The following SPATA13 variants were observed in gnomAD, a reference collection of about 807,000 sequenced individuals.
The protein encoded by SPATA13 is spermatogenesis-associated protein 13.
SPATA13 carries 50 observed loss-of-function variants against 104.0 expected under a neutral mutation model. That is an observed-to-expected ratio of 0.48 (90% CI 0.38 to 0.61). SPATA13 has a LOEUF of 0.61. Ranked by LOEUF, SPATA13 falls within the 20% of genes least tolerant of loss-of-function variation. The pLI is 0.00. For synonymous variants in SPATA13, 606 were observed against 667.5 expected, an observed-to-expected ratio of 0.91 and a Z score of 1.42; for missense variants, 1,524 against 1,690.6, an observed-to-expected ratio of 0.90 and a Z score of 1.73.
At chr13:24,280,303 A>G (rs1593492483) in intron 4 of SPATA13, among the ~76,000 whole-genome samples, 1 of 152,322 alleles carries the variant, frequency 6.6e-6, no homozygotes, top group East Asian at 1.9e-4. Flanking sequence ...GACTCCTGTT[A>G]ATTGTGAATT....
At chr13:24,083,477 G>A (rs1879613423) in intron 3 of SPATA13, among the ~76,000 whole-genome samples, 1 of 152,216 alleles carries the variant, frequency 6.6e-6, no homozygotes, top group Non-Finnish European at 1.5e-5. Context: ...CCAGGAACTT[G>A]AGTTGAAGTC....
At chr13:24,089,989 G>T (rs1013093034) in intron 3 of SPATA13, among the ~76,000 whole-genome samples, 1 of 152,172 alleles carries the variant, frequency 6.6e-6, no homozygotes, top group Admixed American at 6.5e-5. Flanking sequence ...TCCTGTTTAT[G>T]AGGGCTCTGC....
chr13:24,016,092 G>A (rs897036703), intron 2 of SPATA13, among the ~76,000 whole-genome samples: 4 of 152,120 alleles, frequency 2.6e-5, no homozygotes, highest in African/African-American at 4.8e-5. Flanking sequence ...GCAGAGCCCC[G>A]TTCCAAGTCC....
intron 2 of SPATA13, among the ~76,000 whole-genome samples, chr13:23,989,409 G>T (rs1291417472): frequency 2.0e-5 from 3 of 150,898 alleles, no homozygotes; most frequent in Non-Finnish European, 4.4e-5. Context: ...GTGACAGAGT[G>T]AGATTTCATC....
chr13:24,050,786 G>A (rs1318807117), intron 3 of SPATA13, among the ~76,000 whole-genome samples: 2 of 152,180 alleles, frequency 1.3e-5, no homozygotes, highest in African/African-American at 4.8e-5. Context: ...AGGACTTTAT[G>A]GCCAAGGTGC....
chr13:24,050,625 C>T (rs1878306046), intron 3 of SPATA13, among the ~76,000 whole-genome samples: 1 of 152,176 alleles, frequency 6.6e-6, no homozygotes, highest in African/African-American at 2.4e-5. Context: ...CAAGAATCCA[C>T]AAGAGGCGAA....
At chr13:24,279,532 A>C (rs776611548) in intron 4 of SPATA13, among the ~76,000 whole-genome samples, 7 of 151,864 alleles carry the variant, frequency 4.6e-5, no homozygotes, top group Non-Finnish European at 1.0e-4. Flanking sequence ...ACCCAGGCTT[A>C]AGTGGTGGGA....
chr13:24,093,808 T>C (rs191956175), intron 3 of SPATA13, among the ~76,000 whole-genome samples: 30 of 152,260 alleles, frequency 2.0e-4, no homozygotes, highest in African/African-American at 7.0e-4. Context: ...TCATAATACT[T>C]AGAGGACTGT....
intron 4 of SPATA13, among the ~76,000 whole-genome samples, chr13:24,256,491 A>G (rs78740051): frequency 0.015 from 2,318 of 152,364 alleles, 57 homozygotes; most frequent in Admixed American, 0.046. Flanking sequence ...TAATAATATA[A>G]AAAACTCTCC....
chr13:24,245,102 A>G (rs1387546547), intron 2 of SPATA13, among the ~76,000 whole-genome samples: 1 of 152,122 alleles, frequency 6.6e-6, no homozygotes, highest in Non-Finnish European at 1.5e-5. Flanking sequence ...GCCCAGCTGC[A>G]TGTTTCTTTG....
intron 1 of SPATA13, among the ~76,000 whole-genome samples, chr13:24,188,257 G>T (rs139951171): frequency 1.3e-5 from 2 of 151,856 alleles, no homozygotes; most frequent in Admixed American, 6.6e-5. Context: ...AGGAGAATCA[G>T]TTGAACCTGG....
intron 3 of SPATA13, among the ~76,000 whole-genome samples, chr13:24,068,398 T>C (rs1879042068): frequency 6.6e-6 from 1 of 152,224 alleles, no homozygotes; most frequent in African/African-American, 2.4e-5. Flanking sequence ...CTAGGTTGAT[T>C]CCATGTCTTT....
rs1379715622 is a variant in SPATA13, at chr13:24,223,130, C to T, written c.201C>T (p.Leu67=). The T allele has an allele frequency of 6.4e-7, 1 of 1,551,760 alleles. No individual in the cohort carries two copies. The highest frequency in any genetic ancestry group is 2.0e-5 in the Admixed American group (1 of 51,016). Residue 67 remains leucine (L), a synonymous_variant, in exon 2 of 13, where the codon CTC becomes CTT. Coordinates refer to ENST00000382108, the MANE Select transcript of SPATA13 (RefSeq NM_001166271.3). ...ACACGGACACCCAGGAAGCCAAACT[C>T]AGCCCAGCCAAGCTTGTGCGCCTCT... is the stretch of plus-strand genomic sequence containing the variant. ...GGDTDTQEAK[L]SPAKLVRLFS...
intron 3 of SPATA13, among the ~76,000 whole-genome samples, chr13:24,043,374 C>T (rs1460703970): frequency 3.3e-5 from 5 of 152,172 alleles, no homozygotes; most frequent in African/African-American, 7.2e-5. Flanking sequence ...GCACTGGTCC[C>T]TGCAGCTTGA....
chr13:24,157,295 T>C (rs1223952640), upstream of SPATA13, among the ~76,000 whole-genome samples: 3 of 151,658 alleles, frequency 2.0e-5, no homozygotes, highest in Non-Finnish European at 4.4e-5. Context: ...TTTTCTTTTT[T>C]TTCTTTTTAA....
chr13:24,224,085 A>G lies in SPATA13; in HGVS notation c.1156A>G (p.Thr386Ala). The G allele has an allele frequency of 1.3e-6, 2 of 1,551,228 alleles. No individual in the cohort carries two copies. The highest frequency in any genetic ancestry group is 1.7e-6 in the Non-Finnish European group (2 of 1,146,926). Residue 386 changes from threonine (T) to alanine (A), a missense_variant, in exon 2 of 13, where the codon ACC becomes GCC. Physicochemically the swap from Thr to Ala is moderately conservative, Grantham distance 58 (BLOSUM62 0). Around this residue, in one of 2 missense-constraint regions of SPATA13, gnomAD observed 1,089 missense variants for 1,135.9 expected, o/e 0.96. Coordinates refer to ENST00000382108, the MANE Select transcript of SPATA13 (RefSeq NM_001166271.3). ...GGCGGTCATGCATGGGACCACTGCA[A>G]CCTGCACCGTGGCCCCCGGTTTCGG... The part of the protein sequence containing the change: ...GGAVMHGTTA[T>A]CTVAPGFGSA...
chr13:24,214,328 A>T (rs1274736668), intron 1 of SPATA13, among the ~76,000 whole-genome samples: 5 of 152,248 alleles, frequency 3.3e-5, no homozygotes, highest in Non-Finnish European at 7.3e-5. Context: ...TTGGATCTGG[A>T]AATTTTGACC....
chr13:24,121,918 C>T lies in SPATA13; in HGVS notation c.-111-100901C>T, dbSNP rs192457942. 158 of 622,732 alleles carry T rather than the reference C, an allele frequency of 2.5e-4. 3 individuals carry two copies. In the East Asian group the frequency reaches 4.0e-3, roughly 16 times the overall value. The allele number at this position is 622,732 out of a possible 1,614,324, so 38.6% of individuals were successfully genotyped here. A position where few individuals can be genotyped will look rare whatever the true frequency, so the allele number is the denominator to read the frequency against. Reference sequence around the variant, plus strand: ...CTTTTCCAGTGCCAGGTTGCATGATCGGGTCCCATCTCCTGGGGTTGTTGT... The same window carrying T: ...CTTTTCCAGTGCCAGGTTGCATGATTGGGTCCCATCTCCTGGGGTTGTTGT... On this transcript the variant is annotated intron_variant, in intron 3 of 14. Coordinates refer to the SPATA13 transcript ENST00000424834.
intron 4 of SPATA13, among the ~76,000 whole-genome samples, chr13:24,279,098 T>A (rs1006917483): frequency 2.0e-5 from 3 of 151,996 alleles, no homozygotes; most frequent in Non-Finnish European, 4.4e-5. Flanking sequence ...TTCTGGATAG[T>A]GAACAGAATA....
Sources: allele counts gnomAD v4.1 joint callset (sites outside exome capture counted in the v4.1 genomes callset), GRCh38; gene constraint gnomAD v4.1.1; regional missense constraint gnomAD v4.1.1; transcripts MANE v1.5; gene names NCBI Gene and HGNC (gene_info 2026-07-23, HGNC 2026-07-21).